The following ATP2A2 variants were observed in gnomAD, a reference collection of about 807,000 sequenced individuals.
The protein encoded by ATP2A2 is ATPase sarcoplasmic/endoplasmic reticulum Ca2+ transporting 2, also known as sarcoplasmic/endoplasmic reticulum calcium ATPase 2.
In ATP2A2, 14 loss-of-function variants were observed where a neutral mutation model predicts 109.3. The ratio of observed to expected loss-of-function variants is 0.13; its 90% CI spans 0.08 to 0.20. The LOEUF is 0.20. Ranked by LOEUF, ATP2A2 falls within the 10% of genes least tolerant of loss-of-function variation. ATP2A2 has a pLI of 1.00. For missense variants in ATP2A2, 657 were observed against 1,321.6 expected, an observed-to-expected ratio of 0.50 and a Z score of 7.80; for synonymous variants, 506 against 490.9, an observed-to-expected ratio of 1.03 and a Z score of -0.41.
At chr12:110,305,882 GTTT>G (rs71083114) in intron 5 of ATP2A2, among the ~76,000 whole-genome samples, 1 of 137,970 alleles carries the variant, frequency 7.2e-6, no homozygotes, top group Non-Finnish European at 1.6e-5. Flanking sequence ...TTTTTTTTTT[GTTT>G]TTTTTTTTTA....
chr12:110,322,929 A>G (rs907852318), intron 5 of ATP2A2, 63 bp from the exon 6 acceptor site: 1 of 1,156,990 alleles, frequency 8.6e-7, no homozygotes, highest in African/African-American at 1.5e-5. Flanking sequence ...AGACAAATTC[A>G]TCTTTAGATA....
intron 5 of ATP2A2, among the ~76,000 whole-genome samples, chr12:110,305,879 TTTG>T (rs1311458487): frequency 6.6e-6 from 1 of 150,408 alleles, no homozygotes; most frequent in East Asian, 1.9e-4. Context: ...CTGTTTTTTT[TTTG>T]TTTTTTTTTT....
chr12:110,295,340 T>C (rs1249139721), intron 4 of ATP2A2, among the ~76,000 whole-genome samples: 1 of 152,072 alleles, frequency 6.6e-6, no homozygotes, highest in East Asian at 1.9e-4. Flanking sequence ...TTTTGCATTT[T>C]TCGTAGAGAC....
chr12:110,332,443 C>T, intron 8 of ATP2A2, 154 bp from the exon 9 acceptor site: 1 of 718,294 alleles, frequency 1.4e-6, no homozygotes, highest in East Asian at 2.5e-5. Flanking sequence ...GACAGTACTG[C>T]TGATGCTGAG....
chr12:110,300,484 A>G (rs1303564181), intron 5 of ATP2A2, among the ~76,000 whole-genome samples: 1 of 149,882 alleles, frequency 6.7e-6, no homozygotes, highest in African/African-American at 2.5e-5. Flanking sequence ...CCTCCCCAGT[A>G]GCTGTGACTG....
intron 5 of ATP2A2, among the ~76,000 whole-genome samples, chr12:110,311,279 C>T (rs1482597090): frequency 1.3e-5 from 2 of 152,156 alleles, no homozygotes; most frequent in African/African-American, 4.8e-5. Flanking sequence ...CTCACTGTGT[C>T]ACTCAGGCTG....
chr12:110,343,538 A>AT, intron 16 of ATP2A2, 104 bp downstream of exon 16: 1 of 1,314,880 alleles, frequency 7.6e-7, no homozygotes, highest in Non-Finnish European at 1.1e-6. Flanking sequence ...CTATCCCCGT[A>AT]TAGGGTAGCA....
At chr12:110,325,783 A>G (rs1877735224) in intron 6 of ATP2A2, 1 of 157,632 alleles carries the variant, frequency 6.3e-6, no homozygotes, top group Admixed American at 6.1e-5. Flanking sequence ...CACGAGTTGG[A>G]GACCACCCTG....
intron 5 of ATP2A2, among the ~76,000 whole-genome samples, chr12:110,299,940 G>T (rs1158456827): frequency 1.3e-5 from 2 of 151,762 alleles, no homozygotes; most frequent in Admixed American, 1.3e-4. Flanking sequence ...ATTTTTAGTA[G>T]ATGTGGGGTT....
At chr12:110,326,029 T>C (rs1187602975) in intron 6 of ATP2A2, 1 of 297,244 alleles carries the variant, frequency 3.4e-6, no homozygotes, top group Non-Finnish European at 6.6e-6. Context: ...AAGTATTTAT[T>C]AAAGTATACA....
Position 110,342,517 on chromosome 12 carries a change from C to T in ATP2A2, c.2318+69C>T, listed in dbSNP as rs1464810997. 1 of 1,528,650 alleles carries T rather than the reference C, an allele frequency of 6.5e-7. No homozygotes were observed. Among genetic ancestry groups the T allele is most frequent in the African/African-American group, 1.4e-5 (1 of 73,110 alleles). The allele number at this position is 1,528,650 out of a possible 1,614,324, so 94.7% of individuals were successfully genotyped here. On this transcript the variant is annotated intron_variant, in intron 15 of 19. Coordinates refer to ENST00000539276, the MANE Select transcript of ATP2A2 (RefSeq NM_170665.4). This position sits in a 1 kb window ranked among gnomAD's most constrained non-coding sequence, Gnocchi z 4.6. ...AATGGGTCATGGAGCCCAGTTCTCG[C>T]AGTTTGCTCTCCAGATTGCAGCAGC...
Position 110,339,640 on chromosome 12 carries a change from C to T in ATP2A2, c.1680C>T (p.Cys560=). The change falls in exon 13 of 20, where the codon TGC becomes TGT. Residue 560 remains cysteine (C), a synonymous_variant. Transcript: ENST00000539276. The surrounding 1 kb of genome is among the most constrained non-coding windows in gnomAD (Gnocchi z 4.4). ...EWGSGSDTLR[C]LALATHDNPL... is the part of the protein sequence containing the mutation. ...GTAGTGGCAGCGACACACTGCGATG[C>T]CTGGCCCTGGCCACTCATGACAACC... 1 of 1,614,154 alleles carries T rather than the reference C, an allele frequency of 6.2e-7. No individual in the cohort carries two copies. The highest frequency in any genetic ancestry group is 8.5e-7 in the Non-Finnish European group (1 of 1,180,028).
chr12:110,350,374 C>T lies in ATP2A2; in HGVS notation c.*3904C>T. 1.2e-6 allele frequency: 2 copies of T among 1,611,944 alleles called. No homozygotes were observed. Among genetic ancestry groups the T allele is most frequent in the Non-Finnish European group, 1.7e-6 (2 of 1,178,050 alleles). On this transcript the variant is annotated 3_prime_UTR_variant, in exon 20 of 20. Coordinates refer to ENST00000539276, the MANE Select transcript of ATP2A2 (RefSeq NM_170665.4). Reference sequence around the variant, plus strand: ...GCGTGCATGTGCGTTTTTAGCAACACATCTACCAACCCTGTGCATGACTGA... The same window carrying T: ...GCGTGCATGTGCGTTTTTAGCAACATATCTACCAACCCTGTGCATGACTGA...
intron 5 of ATP2A2, among the ~76,000 whole-genome samples, chr12:110,303,830 G>A (rs1232694041): frequency 1.3e-5 from 2 of 152,128 alleles, no homozygotes; most frequent in Non-Finnish European, 2.9e-5. Flanking sequence ...CAAAGTGCTG[G>A]GATTACAGGC....
intron 6 of ATP2A2, among the ~76,000 whole-genome samples, chr12:110,323,383 C>G (rs537162559): frequency 5.9e-5 from 9 of 152,230 alleles, no homozygotes; most frequent in African/African-American, 2.2e-4. Context: ...TGGGGTTTTA[C>G]CTTGTTGGTC....
intron 17 of ATP2A2, 45 bp downstream of exon 17, chr12:110,345,016 T>G (rs773980229): frequency 6.3e-7 from 1 of 1,592,948 alleles, no homozygotes. Context: ...AGAAGTGTTG[T>G]GAGGCCTTGA....
At chr12:110,317,518 T>C (rs1215353508) in intron 5 of ATP2A2, among the ~76,000 whole-genome samples, 1 of 151,726 alleles carries the variant, frequency 6.6e-6, no homozygotes. Flanking sequence ...GCTACAATTA[T>C]AGGCGCCCGC....
intron 3 of ATP2A2, among the ~76,000 whole-genome samples, chr12:110,291,176 G>A (rs568736418): frequency 1.3e-5 from 2 of 151,552 alleles, no homozygotes; most frequent in South Asian, 4.2e-4. Context: ...CCAAAGTGCT[G>A]GAATTACAGG....
intron 4 of ATP2A2, 65 bp downstream of exon 4, chr12:110,292,189 T>C (rs903463396): frequency 3.4e-5 from 40 of 1,185,590 alleles, no homozygotes; most frequent in East Asian, 3.0e-4. Context: ...GCTGTATTAA[T>C]CTTTCTGTTA....
Sources: allele counts gnomAD v4.1 joint callset (sites outside exome capture counted in the v4.1 genomes callset), GRCh38; gene constraint gnomAD v4.1.1; non-coding constraint Gnocchi (gnomAD v3.1); transcripts MANE v1.5; gene names NCBI Gene and HGNC (gene_info 2026-07-23, HGNC 2026-07-21).